The following FER1L6 variants were observed in gnomAD, a reference collection of about 807,000 sequenced individuals.
The protein encoded by FER1L6 is fer-1 like family member 6, also known as fer-1-like protein 6.
In FER1L6, 177 loss-of-function variants were observed where a neutral mutation model predicts 219.2. That is an observed-to-expected ratio of 0.81 (90% CI 0.71 to 0.91). The LOEUF is 0.91. Ranked by LOEUF, FER1L6 falls within the 40% of genes least tolerant of loss-of-function variation. The pLI, the probability that FER1L6 is intolerant of heterozygous loss-of-function variation, is 0.00. For missense variants in FER1L6, 2,153 were observed against 2,259.9 expected, an observed-to-expected ratio of 0.95 and a Z score of 0.96; for synonymous variants, 768 against 824.3, an observed-to-expected ratio of 0.93 and a Z score of 1.17.
At position 124,060,219 on chromosome 8, in the gene FER1L6, C is replaced by G. The variant is rs762269270; in HGVS notation, c.2914C>G (p.Pro972Ala). 3.8e-5 allele frequency: 62 copies of G among 1,613,674 alleles called. No individual in the cohort carries two copies. Among genetic ancestry groups the G allele is most frequent in the Non-Finnish European group, 5.1e-5 (60 of 1,179,916 alleles). The change falls in exon 23 of 41, where the codon CCA becomes GCA. Residue 972 changes from proline to alanine, a missense_variant. By Grantham distance (27) the Pro-to-Ala change is conservative. Coordinates refer to ENST00000522917, the MANE Select transcript of FER1L6 (RefSeq NM_001039112.2). ...GCTGCAAGGCCTCCCACCCGTTGAGCCACCAGACATCACCCAGATCTACCC... is the reference window on the plus strand; with the variant it reads ...GCTGCAAGGCCTCCCACCCGTTGAGGCACCAGACATCACCCAGATCTACCC... Reference protein sequence around the residue: ...SGLQGLPPVEPPDITQIYPVP... With the variant: ...SGLQGLPPVEAPDITQIYPVP...
chr8:123,924,606 CTCTG>C (rs1432094824), intron 1 of FER1L6, among the ~76,000 whole-genome samples: 1 of 152,162 alleles, frequency 6.6e-6, no homozygotes, highest in Non-Finnish European at 1.5e-5. Context: ...TCAGGGCACA[CTCTG>C]TCTGTCTTAA....
At chr8:123,944,320 A>G (rs1194699521) in intron 1 of FER1L6, among the ~76,000 whole-genome samples, 1 of 149,266 alleles carries the variant, frequency 6.7e-6, no homozygotes, top group Non-Finnish European at 1.5e-5. Context: ...TATTTAACAC[A>G]TAAATTCATC....
chr8:123,997,680 T>C (rs552664772), intron 12 of FER1L6, among the ~76,000 whole-genome samples: 1 of 152,292 alleles, frequency 6.6e-6, no homozygotes, highest in South Asian at 2.1e-4. Flanking sequence ...TTCTAGATCT[T>C]ATAGGCATGT....
chr8:124,118,593 G>A, intron 39 of FER1L6, among the ~76,000 whole-genome samples: 1 of 152,182 alleles, frequency 6.6e-6, no homozygotes, highest in East Asian at 1.9e-4. Flanking sequence ...CGGAGCTTGT[G>A]TGTCTGTGTG....
intron 1 of FER1L6, among the ~76,000 whole-genome samples, chr8:123,911,143 T>A (rs1033303562): frequency 3.3e-5 from 5 of 152,012 alleles, no homozygotes; most frequent in Non-Finnish European, 5.9e-5. Flanking sequence ...ATTAGGGAAG[T>A]AAAGTTCTAG....
At chr8:124,029,719 G>A (rs560933393) in intron 18 of FER1L6, among the ~76,000 whole-genome samples, 1 of 152,218 alleles carries the variant, frequency 6.6e-6, no homozygotes, top group East Asian at 1.9e-4. Flanking sequence ...TAGATTGCCT[G>A]TTTGCTCTGA....
At chr8:124,077,343 T>C (rs1363917812) in intron 32 of FER1L6, among the ~76,000 whole-genome samples, 1 of 152,204 alleles carries the variant, frequency 6.6e-6, no homozygotes, top group Non-Finnish European at 1.5e-5. Flanking sequence ...TTTAGTGTGT[T>C]TAATTTCTTT....
chr8:124,030,832 T>C (rs1177680702), intron 18 of FER1L6, among the ~76,000 whole-genome samples: 3 of 152,150 alleles, frequency 2.0e-5, no homozygotes, highest in African/African-American at 4.8e-5. Context: ...ACACAGTTCA[T>C]GTGAGTTACT....
rs988480389 is a variant in FER1L6, at chr8:124,023,588, T to G, written c.2278T>G (p.Phe760Val). ...GKHCGKIKTH[F>V]LKPPGKRPAG... ...ACACTGCGGCAAGATCAAAACTCAC[T>G]TCCTCAAAGTAAGTGTGCAGTATTT... is the stretch of plus-strand genomic sequence containing the variant. Residue 760 changes from phenylalanine to valine, a missense_variant, in exon 18 of 41, where the codon TTC becomes GTC. Transcript: ENST00000522917. 6.2e-7 allele frequency: 1 copy of G among 1,614,062 alleles called. No individual in the cohort carries two copies. The highest frequency in any genetic ancestry group is 1.6e-4 in the Middle Eastern group (1 of 6,062).
intron 32 of FER1L6, among the ~76,000 whole-genome samples, chr8:124,081,453 T>C (rs1462152352): frequency 6.6e-6 from 1 of 152,076 alleles, no homozygotes; most frequent in Non-Finnish European, 1.5e-5. Flanking sequence ...TTGATGATCT[T>C]GGGCAAGTTG....
At position 124,070,485 on chromosome 8, in the gene FER1L6, G is replaced by A. The variant is rs376662231; in HGVS notation, c.3853G>A (p.Glu1285Lys). Residue 1285 changes from glutamate to lysine, a missense_variant, in exon 30 of 41, where the codon GAG (glutamate) becomes AAG (lysine). By Grantham distance (56) the Glu-to-Lys change is moderately conservative (BLOSUM62 1). Transcript: ENST00000522917. ...AILQIYDGDL[E>K]SEFNNFEDWV... ...CCTAAAGATATATGACGGTGATCTC[G>A]AGAGTGAATTCAACAATTTTGAAGA... The A allele has an allele frequency of 3.8e-5, 62 of 1,613,552 alleles. No individual in the cohort carries two copies. The highest frequency in any genetic ancestry group is 2.2e-5 in the South Asian group (2 of 91,054).
intron 2 of FER1L6, among the ~76,000 whole-genome samples, chr8:123,957,075 C>A (rs1270511931): frequency 6.6e-6 from 1 of 152,146 alleles, no homozygotes; most frequent in African/African-American, 2.4e-5. Flanking sequence ...ATTCCTAAAC[C>A]AAAATGGTAC....
At chr8:124,024,497 G>A (rs1818619365) in intron 18 of FER1L6, among the ~76,000 whole-genome samples, 1 of 152,054 alleles carries the variant, frequency 6.6e-6, no homozygotes, top group South Asian at 2.1e-4. Context: ...AATAAGTAAT[G>A]GCCTCCAGCT....
intron 1 of FER1L6, among the ~76,000 whole-genome samples, chr8:123,893,757 T>C (rs1459756631): frequency 6.6e-6 from 1 of 152,208 alleles, no homozygotes; most frequent in Admixed American, 6.5e-5. Context: ...GGACAATGAT[T>C]CTTGCTGCAT....
chr8:123,858,139 T>C (rs962347635), intron 1 of FER1L6, among the ~76,000 whole-genome samples: 1 of 152,204 alleles, frequency 6.6e-6, no homozygotes, highest in Non-Finnish European at 1.5e-5. Flanking sequence ...TGGGTTCTCC[T>C]ACTTTAACCA....
At chr8:123,986,707 C>A (rs943502092) in intron 12 of FER1L6, among the ~76,000 whole-genome samples, 1 of 152,164 alleles carries the variant, frequency 6.6e-6, no homozygotes, top group African/African-American at 2.4e-5. Context: ...CACTCTCTAT[C>A]TCAATGAGTT....
At chr8:124,053,503 A>AAGAC (rs2130794925) in intron 22 of FER1L6, among the ~76,000 whole-genome samples, 1 of 152,312 alleles carries the variant, frequency 6.6e-6, no homozygotes, top group African/African-American at 2.4e-5. Context: ...ACATACTGAG[A>AAGAC]AGACAGGGGC....
intron 1 of FER1L6, among the ~76,000 whole-genome samples, chr8:123,896,270 A>C (rs1812740535): frequency 6.6e-6 from 1 of 152,228 alleles, no homozygotes; most frequent in Non-Finnish European, 1.5e-5. Flanking sequence ...TTTATGTGTT[A>C]TTCATTCTAA....
chr8:123,996,272 T>G (rs988988821), intron 12 of FER1L6, among the ~76,000 whole-genome samples: 5 of 152,208 alleles, frequency 3.3e-5, no homozygotes. Context: ...CCAGCTATTA[T>G]TGTGTTGCGG....
Sources: allele counts gnomAD v4.1 joint callset (sites outside exome capture counted in the v4.1 genomes callset), GRCh38; gene constraint gnomAD v4.1.1; transcripts MANE v1.5; gene names NCBI Gene and HGNC (gene_info 2026-07-23, HGNC 2026-07-21).